The following ANO3 variants were observed in gnomAD, a reference collection of about 807,000 sequenced individuals.
ANO3 encodes anoctamin 3.
In ANO3, 99 loss-of-function variants were observed where a neutral mutation model predicts 144.8. That is an observed-to-expected ratio of 0.68 (90% CI 0.58 to 0.81). The LOEUF is 0.81. Ranked by LOEUF, ANO3 falls within the 30% of genes least tolerant of loss-of-function variation. ANO3 has a pLI of 0.00. For synonymous variants in ANO3, 414 were observed against 392.6 expected, an observed-to-expected ratio of 1.05 and a Z score of -0.64; for missense variants, 905 against 1,202.2, an observed-to-expected ratio of 0.75 and a Z score of 3.66.
At chr11:26,539,376 C>A (rs1464972651) in intron 10 of ANO3, among the ~76,000 whole-genome samples, 1 of 152,040 alleles carries the variant, frequency 6.6e-6, no homozygotes, top group Non-Finnish European at 1.5e-5. Context: ...CAGCCCATTG[C>A]ATGTCACTAT....
chr11:26,617,263 C>T (rs547080063), intron 17 of ANO3, among the ~76,000 whole-genome samples: 2 of 152,202 alleles, frequency 1.3e-5, no homozygotes, highest in Non-Finnish European at 2.9e-5. Context: ...AGTTGATTCT[C>T]ATACCTATGG....
At chr11:26,276,146 C>G (rs770622469) in intron 1 of ANO3, among the ~76,000 whole-genome samples, 11 of 152,040 alleles carry the variant, frequency 7.2e-5, no homozygotes, top group Non-Finnish European at 1.3e-4. Context: ...GGAGCCTGGC[C>G]CAAGTTTCAT....
intron 17 of ANO3, among the ~76,000 whole-genome samples, chr11:26,623,194 C>G (rs1852472563): frequency 6.6e-6 from 1 of 152,178 alleles, no homozygotes; most frequent in Admixed American, 6.5e-5. Flanking sequence ...AACACTTTAA[C>G]TCTTAGGAAG....
chr11:26,574,933 G>A (rs1241956874), intron 14 of ANO3, among the ~76,000 whole-genome samples: 1 of 151,950 alleles, frequency 6.6e-6, no homozygotes, highest in Non-Finnish European at 1.5e-5. Context: ...CATAAATGGT[G>A]AGCTAAAGAA....
In ANO3 at chr11:26,654,264, G is replaced by A. The variant is rs184904798; in HGVS notation, c.2577-1861G>A. On this transcript the variant is annotated intron_variant, in intron 24 of 26. Transcript: ENST00000256737. ...ACATGCTGACTCCATTTATTTAAGC[G>A]TTCGTTGAATTCTCTGAGACATGTG... 1.6e-3 allele frequency among the ~76,000 whole-genome samples: 251 copies of A among 152,150 alleles called. 1 individual carries two copies. Among genetic ancestry groups the A allele is most frequent in the African/African-American group, 5.6e-3 (232 of 41,526 alleles).
intron 1 of ANO3, among the ~76,000 whole-genome samples, chr11:26,190,882 G>T (rs191045622): frequency 6.6e-6 from 1 of 151,964 alleles, no homozygotes; most frequent in Non-Finnish European, 1.5e-5. Context: ...CCTCCTTTTT[G>T]CTTCCATATT....
At chr11:26,392,980 A>C (rs1379272913) in intron 1 of ANO3, among the ~76,000 whole-genome samples, 3 of 152,140 alleles carry the variant, frequency 2.0e-5, no homozygotes, top group Non-Finnish European at 4.4e-5. Flanking sequence ...ATAACTACAT[A>C]ACTAAATCCA....
At chr11:26,371,449 C>T (rs1374509158) in intron 1 of ANO3, among the ~76,000 whole-genome samples, 2 of 152,220 alleles carry the variant, frequency 1.3e-5, no homozygotes, top group Non-Finnish European at 2.9e-5. Flanking sequence ...GAAGCCCCCA[C>T]ACAGAGTCCC....
intron 1 of ANO3, among the ~76,000 whole-genome samples, chr11:26,342,272 T>A (rs1248953586): frequency 6.6e-6 from 1 of 152,184 alleles, no homozygotes; most frequent in Non-Finnish European, 1.5e-5. Context: ...TGTGCTATGG[T>A]CTCATGTTTG....
At chr11:26,326,955 A>G (rs1298573406) in intron 1 of ANO3, among the ~76,000 whole-genome samples, 1 of 152,216 alleles carries the variant, frequency 6.6e-6, no homozygotes. Context: ...CAATTATTAC[A>G]TTCTTATGTT....
intron 17 of ANO3, among the ~76,000 whole-genome samples, chr11:26,615,047 A>G (rs1274585995): frequency 6.6e-6 from 1 of 151,256 alleles, no homozygotes; most frequent in African/African-American, 2.4e-5. Flanking sequence ...ACTTTTTCGG[A>G]TCATTTGAAT....
chr11:26,553,191 T>A, intron 12 of ANO3, 58 bp from the exon 13 acceptor site: 1 of 1,266,444 alleles, frequency 7.9e-7, no homozygotes, highest in Admixed American at 1.7e-5. Flanking sequence ...CTAAGTGAAT[T>A]CTTAGTCACA....
chr11:26,250,705 C>T (rs571636504), intron 1 of ANO3, among the ~76,000 whole-genome samples: 25 of 152,292 alleles, frequency 1.6e-4, no homozygotes, highest in African/African-American at 4.6e-4. Flanking sequence ...CTTATCCATG[C>T]ATAAGTTACT....
In ANO3 at chr11:26,381,317, TTTTG is replaced by T. The variant is rs551967145; in HGVS notation, c.46+49004_46+49007del. Among the ~76,000 whole-genome samples the T allele has an allele frequency of 4.0e-3, 609 of 152,282 alleles. 3 individuals are homozygous for T. The highest frequency in any genetic ancestry group is 6.6e-3 in the Non-Finnish European group (451 of 68,028). ...AAGGCATCACACAAGAGTTATAGTT[TTTTG>T]TTTGTTTAGTTTTGTTTTACTGTAG... On this transcript the variant is annotated intron_variant, in intron 1 of 26. Coordinates refer to ENST00000256737, the MANE Select transcript of ANO3 (RefSeq NM_031418.4).
At chr11:26,553,696 A>T (rs1006329572) in intron 13 of ANO3, among the ~76,000 whole-genome samples, 1 of 152,154 alleles carries the variant, frequency 6.6e-6, no homozygotes, top group African/African-American at 2.4e-5. Context: ...AAATACTTCT[A>T]TCGGTACGGA....
At chr11:26,452,441 C>T (rs1330290750) in intron 3 of ANO3, among the ~76,000 whole-genome samples, 4 of 152,096 alleles carry the variant, frequency 2.6e-5, no homozygotes, top group Non-Finnish European at 5.9e-5. Context: ...ATGCAGAAGC[C>T]TCAGGAGCCG....
At chr11:26,266,607 G>T (rs1018650254) in intron 1 of ANO3, among the ~76,000 whole-genome samples, 1 of 151,210 alleles carries the variant, frequency 6.6e-6, no homozygotes, top group African/African-American at 2.4e-5. Context: ...GCTAATTTTT[G>T]TATTTTTAGT....
At chr11:26,241,431 A>C (rs1382051482) in intron 1 of ANO3, among the ~76,000 whole-genome samples, 1 of 152,150 alleles carries the variant, frequency 6.6e-6, no homozygotes, top group African/African-American at 2.4e-5. Flanking sequence ...CTGGGGTCTT[A>C]AGCTACATCA....
chr11:26,264,951 G>A (rs1590223227), intron 1 of ANO3, among the ~76,000 whole-genome samples: 1 of 151,840 alleles, frequency 6.6e-6, no homozygotes, highest in Non-Finnish European at 1.5e-5. Flanking sequence ...CACTCATACA[G>A]TAAATGAATT....
Sources: allele counts gnomAD v4.1 joint callset (sites outside exome capture counted in the v4.1 genomes callset), GRCh38; gene constraint gnomAD v4.1.1; transcripts MANE v1.5; gene names NCBI Gene and HGNC (gene_info 2026-07-23, HGNC 2026-07-21).